The following NME3 variants were observed in gnomAD, a reference collection of about 807,000 sequenced individuals.
NME3 encodes nucleoside diphosphate kinase C.
Under a neutral mutation model 15.8 loss-of-function variants are expected in NME3, and 23 were observed. The ratio of observed to expected loss-of-function variants is 1.45; its 90% confidence interval spans 1.05 to 2.06. NME3 has a LOEUF of 2.06. Among genes scored for constraint, NME3 ranks in the 30% most tolerant of loss-of-function variants. The probability of loss-of-function intolerance (pLI) is 0.00; values close to 1 mark genes in which losing one functional copy is unlikely to be tolerated. For missense variants in NME3, 354 were observed against 243.2 expected (o/e 1.46, Z -3.03); for synonymous variants, 157 against 104.4 (o/e 1.50, Z -3.07).
In NME3 at chr16:1,771,107, A is replaced by G; in HGVS notation, c.242T>C (p.Leu81Pro). 6.2e-7 allele frequency: 1 copy of G among 1,610,086 alleles called. No individual in the cohort carries two copies. The highest frequency in any genetic ancestry group is 1.3e-5 in the African/African-American group (1 of 74,982). ...ELRERPFYGR[L>P]VKYMASGPVV... ...CGGCCCGGAGGCCATATACTTGACAAGGCGGCCGTAGAACGGGCGTTCACG... is the reference window on the plus strand; with the variant it reads ...CGGCCCGGAGGCCATATACTTGACAGGGCGGCCGTAGAACGGGCGTTCACG... The change falls in exon 3 of 5, where the codon CTT becomes CCT. Residue 81 changes from leucine to proline, a missense_variant. Leu to Pro is a moderately conservative substitution (Grantham distance 98). Coordinates refer to ENST00000219302, the MANE Select transcript of NME3 (RefSeq NM_002513.3).
chr16:1,770,384 CG>C lies in NME3; in HGVS notation c.*264del, dbSNP rs548828768. 1.5e-5 allele frequency: 6 copies of C among 404,112 alleles called. No homozygotes were observed. Among genetic ancestry groups the C allele is most frequent in the Non-Finnish European group, 2.6e-5 (6 of 227,834 alleles). 25.0% of individuals were successfully genotyped at this position (404,112 alleles called of 1,614,324 possible). On this transcript the variant is annotated 3_prime_UTR_variant, in exon 5 of 5. Coordinates refer to ENST00000219302, the MANE Select transcript of NME3 (RefSeq NM_002513.3). ...TTTATTATAAAAAAACGTTGGACCA[CG>C]TTGGGCTGGGCACCAGGACAGTGTC...
rs1475636893 is a variant in NME3 at position 1,771,185 on chromosome 16, A to G, written c.178-14T>C. The stretch of plus-strand genomic sequence containing the variant: ...CTCCTCGGAGGCCTGCGGAAGGGTC[A>G]GGCCGCCTGCGCCCGCACCCGGCAC... On this transcript the variant is annotated splice_polypyrimidine_tract_variant and intron_variant, in intron 2 of 4. Transcript: ENST00000219302. 3.1e-6 allele frequency: 5 copies of G among 1,589,268 alleles called. No individual in the cohort carries two copies. Among genetic ancestry groups the G allele is most frequent in the Middle Eastern group, 3.7e-4 (2 of 5,382 alleles).
Position 1,771,473 on chromosome 16 carries a change from G to T in NME3, c.46+16C>A. 2 of 1,329,054 alleles carry T rather than the reference G, an allele frequency of 1.5e-6. No individual in the cohort carries two copies. The highest frequency in any genetic ancestry group is 1.9e-6 in the Non-Finnish European group (2 of 1,044,280). The allele number at this position is 1,329,054 out of a possible 1,614,324, so 82.3% of individuals were successfully genotyped here. A position where few individuals can be genotyped will look rare whatever the true frequency, so the allele number is the denominator to read the frequency against. On this transcript the variant is annotated intron_variant, in intron 1 of 4. Coordinates refer to ENST00000219302, the MANE Select transcript of NME3 (RefSeq NM_002513.3). Reference sequence around the variant, plus strand: ...AGCACCGGCCACCCGCCCCCGGCCCGCGCCGCGCGGCTCACCCGCGGGGAA... The same window carrying T: ...AGCACCGGCCACCCGCCCCCGGCCCTCGCCGCGCGGCTCACCCGCGGGGAA...
At position 1,770,769 on chromosome 16, in the gene NME3, G is replaced by A; in HGVS notation, c.393-3C>T. The A allele has an allele frequency of 6.2e-7, 1 of 1,601,886 alleles. No homozygotes were observed. On this transcript the variant is annotated splice_region_variant and splice_polypyrimidine_tract_variant and intron_variant, in intron 4 of 4. Transcript: ENST00000219302. ...AGTCGCTGCCGTGAATCAGGTTCCTGCGCGGAAGAGGCGCGTGTGAGCGTG... is the reference window on the plus strand; with the variant it reads ...AGTCGCTGCCGTGAATCAGGTTCCTACGCGGAAGAGGCGCGTGTGAGCGTG...
chr16:1,771,146 T>C lies in NME3; in HGVS notation c.203A>G (p.His68Arg). 3 of 1,606,880 alleles carry C rather than the reference T, an allele frequency of 1.9e-6. No individual in the cohort carries two copies. The highest frequency in any genetic ancestry group is 1.3e-5 in the African/African-American group (1 of 74,880). The change falls in exon 3 of 5, where the codon CAC becomes CGC. Residue 68 changes from histidine (H) to arginine (R), a missense_variant. Transcript: ENST00000219302. The part of the protein sequence containing the change: ...VQASEELLRE[H>R]YAELRERPFY... Reference sequence around the variant, plus strand: ...CGGGCGTTCACGCAGCTCGGCGTAGTGCTCACGCAGCAGCTCCTCGGAGGC... The same window carrying C: ...CGGGCGTTCACGCAGCTCGGCGTAGCGCTCACGCAGCAGCTCCTCGGAGGC...
rs1368839711 is a variant in NME3, at chr16:1,770,691, G to A, written c.468C>T (p.Leu156=). The A allele has an allele frequency of 6.9e-6, 11 of 1,585,428 alleles. No individual in the cohort carries two copies. The highest frequency in any genetic ancestry group is 2.3e-5 in the East Asian group (1 of 43,322). The change falls in exon 5 of 5, where the codon CTC becomes CTT. Residue 156 remains leucine, a synonymous_variant. Coordinates refer to ENST00000219302, the MANE Select transcript of NME3 (RefSeq NM_002513.3). ...GCCCAGCGCTGTCCTCCCAGCAGAG[G>A]AGCTCGTCTGCGCGGAACCAGAGAG... ...EIALWFRADE[L]LCWEDSAGHW...
At chr16:1,771,239 TC>T (rs1359364779) in intron 2 of NME3, 40 bp downstream of exon 2, 8 of 1,495,352 alleles carry the variant, frequency 5.3e-6, no homozygotes, top group Non-Finnish European at 6.4e-6. Context: ...CCGCTCCCCT[TC>T]CCCCCACACC....
Position 1,771,423 on chromosome 16 carries a change from C to A in NME3, c.47-13G>T. Reference sequence around the variant, plus strand: ...GCGCCGGTGCAGGCTGCGGGGCAGGCGGGGACGGGCCGTCAGGCCGGCCCA... The same window carrying A: ...GCGCCGGTGCAGGCTGCGGGGCAGGAGGGGACGGGCCGTCAGGCCGGCCCA... On this transcript the variant is annotated splice_polypyrimidine_tract_variant and intron_variant, in intron 1 of 4. Coordinates refer to ENST00000219302, the MANE Select transcript of NME3 (RefSeq NM_002513.3). 6.6e-7 allele frequency: 1 copy of A among 1,523,516 alleles called. No individual in the cohort carries two copies. Among genetic ancestry groups the A allele is most frequent in the South Asian group, 1.2e-5 (1 of 81,578 alleles). The allele number at this position is 1,523,516 out of a possible 1,614,324, so 94.4% of individuals were successfully genotyped here. A position where few individuals can be genotyped will look rare whatever the true frequency, so the allele number is the denominator to read the frequency against.
In NME3 at chr16:1,770,931, G is replaced by C. The variant is rs887525092; in HGVS notation, c.342C>G (p.Ala114=). ...SRALIGATNP[A]DAPPGTIRGD... ...CGCGGATGGTGCCGGGCGGGGCGTCGGCCGGGTTCGTGGCTCCGATGAGCG... is the reference window on the plus strand; with the variant it reads ...CGCGGATGGTGCCGGGCGGGGCGTCCGCCGGGTTCGTGGCTCCGATGAGCG... The change falls in exon 4 of 5, where the codon GCC becomes GCG. Residue 114 remains alanine, a synonymous_variant. Transcript: ENST00000219302. The C allele has an allele frequency of 1.3e-6, 2 of 1,587,730 alleles. No homozygotes were observed. The highest frequency in any genetic ancestry group is 1.7e-5 in the Admixed American group (1 of 58,264).
In NME3 at chr16:1,770,487, G is replaced by A. The variant is rs1385614867; in HGVS notation, c.*162C>T. The A allele has an allele frequency of 5.5e-6, 3 of 549,074 alleles. No homozygotes were observed. The highest frequency in any genetic ancestry group is 9.3e-6 in the Non-Finnish European group (3 of 321,468). The allele number at this position is 549,074 out of a possible 1,614,324, so 34.0% of individuals were successfully genotyped here. ...AGGAAACCCTGTACGCCAGGGATTG[G>A]AGAGGCCTGCGCCACCCTCCATGCA... On this transcript the variant is annotated 3_prime_UTR_variant, in exon 5 of 5. Transcript: ENST00000219302.
Position 1,770,807 on chromosome 16 carries a change from C to G in NME3, c.393-41G>C, listed in dbSNP as rs772549592. On this transcript the variant is annotated intron_variant, in intron 4 of 4. Coordinates refer to ENST00000219302, the MANE Select transcript of NME3 (RefSeq NM_002513.3). ...GCGTGTGAGCGTGGGAAAGAGACCT[C>G]CGGCACGGGTACCACGCAGGCTGAA... The G allele has an allele frequency of 2.5e-6, 4 of 1,585,732 alleles. No homozygotes were observed. In the South Asian group the frequency reaches 4.5e-5, roughly 18 times the overall value.
In NME3 at chr16:1,771,543, T is replaced by C; in HGVS notation, c.-9A>G. ...AGCACCAGGCAGATCATGATGGCGG[T>C]GCGGGAGCGGGATCCGCGGGGCGGG... is the stretch of plus-strand genomic sequence containing the variant. On this transcript the variant is annotated 5_prime_UTR_variant, in exon 1 of 5. Transcript: ENST00000219302. 1 of 1,124,348 alleles carries C rather than the reference T, an allele frequency of 8.9e-7. No homozygotes were observed. The highest frequency in any genetic ancestry group is 1.1e-6 in the Non-Finnish European group (1 of 872,690). The allele number at this position is 1,124,348 out of a possible 1,614,324, so 69.6% of individuals were successfully genotyped here. A position where few individuals can be genotyped will look rare whatever the true frequency, so the allele number is the denominator to read the frequency against.
In NME3 at chr16:1,771,379, C is replaced by T; in HGVS notation, c.78G>A (p.Leu26=). Residue 26 remains leucine (L), a synonymous_variant, in exon 2 of 5, where the codon CTG becomes CTA. Transcript: ENST00000219302. The stretch of plus-strand genomic sequence containing the variant: ...GCTGCACGCCGTCCGGCTTCACGGC[C>T]AGGAAGGTGCGTTCGTGTGCGCCGG... The part of the protein sequence containing the change: ...ACTGAHERTF[L]AVKPDGVQRR... 6.4e-7 allele frequency: 1 copy of T among 1,563,682 alleles called. No individual in the cohort carries two copies. The highest frequency in any genetic ancestry group is 8.7e-7 in the Non-Finnish European group (1 of 1,155,956).
chr16:1,770,555 G>A lies in NME3; in HGVS notation c.*94C>T, dbSNP rs2042559572. ...TGTTCAGCAGCCCGTCCAAAGGGATGCTCCAAGCGCTGTGGGGTGGGGCCA... is the reference window on the plus strand; with the variant it reads ...TGTTCAGCAGCCCGTCCAAAGGGATACTCCAAGCGCTGTGGGGTGGGGCCA... On this transcript the variant is annotated 3_prime_UTR_variant, in exon 5 of 5. Transcript: ENST00000219302. The A allele has an allele frequency of 2.1e-6, 2 of 931,932 alleles. No individual in the cohort carries two copies. The highest frequency in any genetic ancestry group is 5.7e-5 in the Admixed American group (2 of 34,948). 57.7% of individuals were successfully genotyped at this position (931,932 alleles called of 1,614,324 possible).
rs1409076311 is a variant in NME3 at position 1,771,419 on chromosome 16, C to T, written c.47-9G>A. ...GTGTGCGCCGGTGCAGGCTGCGGGG[C>T]AGGCGGGGACGGGCCGTCAGGCCGG... is the stretch of plus-strand genomic sequence containing the variant. On this transcript the variant is annotated splice_polypyrimidine_tract_variant and intron_variant, in intron 1 of 4. Transcript: ENST00000219302. The T allele has an allele frequency of 3.3e-6, 5 of 1,526,918 alleles. No individual in the cohort carries two copies. The highest frequency in any genetic ancestry group is 4.4e-6 in the Non-Finnish European group (5 of 1,139,456). The allele number at this position is 1,526,918 out of a possible 1,614,324, so 94.6% of individuals were successfully genotyped here.
chr16:1,771,135 G>C lies in NME3; in HGVS notation c.214C>G (p.Leu72Val). Reference sequence around the variant, plus strand: ...CGGCCGTAGAACGGGCGTTCACGCAGCTCGGCGTAGTGCTCACGCAGCAGC... The same window carrying C: ...CGGCCGTAGAACGGGCGTTCACGCACCTCGGCGTAGTGCTCACGCAGCAGC... ...EELLREHYAE[L>V]RERPFYGRLV... Residue 72 changes from leucine (L) to valine (V), a missense_variant, in exon 3 of 5, where the codon CTG becomes GTG. Transcript: ENST00000219302. 1 of 1,608,174 alleles carries C rather than the reference G, an allele frequency of 6.2e-7. No individual in the cohort carries two copies. The highest frequency in any genetic ancestry group is 8.5e-7 in the Non-Finnish European group (1 of 1,178,926).
At position 1,770,450 on chromosome 16, in the gene NME3, A is replaced by C; in HGVS notation, c.*199T>G. ...GGCGAGCCGCGCAGGCTCCTGGAGC[A>C]GCTCCTCGGGCAGGAAACCCTGTAC... On this transcript the variant is annotated 3_prime_UTR_variant, in exon 5 of 5. Coordinates refer to ENST00000219302, the MANE Select transcript of NME3 (RefSeq NM_002513.3). 2.1e-6 allele frequency: 1 copy of C among 471,432 alleles called. No homozygotes were observed. The highest frequency in any genetic ancestry group is 3.7e-6 in the Non-Finnish European group (1 of 268,362). 29.2% of individuals were successfully genotyped at this position (471,432 alleles called of 1,614,324 possible).
rs1482040953 is a variant in NME3, at chr16:1,770,865, C to T, written c.392+16G>A. 6.4e-7 allele frequency: 1 copy of T among 1,565,868 alleles called. No homozygotes were observed. The highest frequency in any genetic ancestry group is 8.7e-7 in the Non-Finnish European group (1 of 1,151,596). On this transcript the variant is annotated intron_variant, in intron 4 of 4. Transcript: ENST00000219302. ...AGGCCGGACGGGGCTGGGACCGTCCCCGGGGCGGGCCTTACTTGCCAACCT... is the reference window on the plus strand; with the variant it reads ...AGGCCGGACGGGGCTGGGACCGTCCTCGGGGCGGGCCTTACTTGCCAACCT...
At chr16:1,771,197 C>T (rs997672447) in intron 2 of NME3, 26 bp from the exon 3 acceptor site, 10 of 1,581,680 alleles carry the variant, frequency 6.3e-6, no homozygotes, top group East Asian at 2.3e-5. Flanking sequence ...GCCGCCTGCG[C>T]CCGCACCCGG....
Sources: gnomAD v4.1 joint callset for allele counts on GRCh38, gnomAD v4.1.1 for gene constraint, MANE v1.5 for transcripts, NCBI Gene and HGNC (gene_info 2026-07-23, HGNC 2026-07-21) for gene names.